The following GDAP2 variants were observed in gnomAD, a reference collection of about 807,000 sequenced individuals.
The protein encoded by GDAP2 is ganglioside-induced differentiation-associated protein 2.
In GDAP2, 51 loss-of-function variants were observed where a neutral mutation model predicts 67.0. The ratio of observed to expected loss-of-function variants is 0.76; its 90% CI spans 0.61 to 0.96. GDAP2 has a LOEUF of 0.96. GDAP2 is among the 40% of genes least tolerant of loss of function. The pLI is 0.00. For synonymous variants in GDAP2, 203 were observed against 207.3 expected, an observed-to-expected ratio of 0.98 and a Z score of 0.18; for missense variants, 547 against 588.3, an observed-to-expected ratio of 0.93 and a Z score of 0.73.
At chr1:117,920,547 C>A in intron 1 of GDAP2, 123 bp from the exon 2 acceptor site, 1 of 392,120 alleles carries the variant, frequency 2.6e-6, no homozygotes, top group Non-Finnish European at 4.7e-6. Context: ...ATTATAGCCA[C>A]TTAAAAAGTC....
rs970389336 is a variant in GDAP2, at chr1:117,929,542, G to A, written c.-162C>T. On this transcript the variant is annotated 5_prime_UTR_variant, in exon 1 of 14. Transcript: ENST00000369443. The stretch of plus-strand genomic sequence containing the variant: ...ACATCTCCGGCGACCCTCAGCAGGA[G>A]CGCGCCGAGTACGGCGAGTCAAAGT... The A allele has an allele frequency of 5.2e-5, 8 of 152,700 alleles. No individual in the cohort carries two copies. Among genetic ancestry groups the A allele is most frequent in the African/African-American group, 1.9e-4 (8 of 41,610 alleles). 9.5% of individuals were successfully genotyped at this position (152,700 alleles called of 1,614,324 possible).
chr1:117,866,881 GA>G lies in GDAP2; in HGVS notation c.*3687del. The G allele has an allele frequency of 8.8e-6, 1 of 113,288 alleles. No homozygotes were observed. The highest frequency in any genetic ancestry group is 2.7e-4 in the East Asian group (1 of 3,708). 7.0% of individuals were successfully genotyped at this position (113,288 alleles called of 1,614,324 possible). ...AGTAAGGCCCTTTAAAAAAAAAAAAGAAAAAGAAAAAGAAACCTAACTAACT... is the reference window on the plus strand; with the variant it reads ...AGTAAGGCCCTTTAAAAAAAAAAAAGAAAAGAAAAAGAAACCTAACTAACT... On this transcript the variant is annotated 3_prime_UTR_variant, in exon 14 of 14. Transcript: ENST00000369443.
rs1648093255 is a variant in GDAP2, at chr1:117,867,080, T to C, written c.*3489A>G. 1 of 152,130 alleles carries C rather than the reference T, an allele frequency of 6.6e-6. No individual in the cohort carries two copies. Among genetic ancestry groups the C allele is most frequent in the Non-Finnish European group, 1.5e-5 (1 of 68,022 alleles). The allele number at this position is 152,130 out of a possible 1,614,324, so 9.4% of individuals were successfully genotyped here. ...TATATACATACATACTGTCAATGTATCGGGGAAATACAAAGAGTGATCTTT... is the reference window on the plus strand; with the variant it reads ...TATATACATACATACTGTCAATGTACCGGGGAAATACAAAGAGTGATCTTT... On this transcript the variant is annotated 3_prime_UTR_variant, in exon 14 of 14. Coordinates refer to ENST00000369443, the MANE Select transcript of GDAP2 (RefSeq NM_017686.4).
chr1:117,925,445 C>T (rs1650413440), intron 1 of GDAP2, among the ~76,000 whole-genome samples: 1 of 151,988 alleles, frequency 6.6e-6, no homozygotes, highest in Non-Finnish European at 1.5e-5. Flanking sequence ...GAGCAAAACC[C>T]TATCTCAAAA....
chr1:117,896,437 C>T, intron 8 of GDAP2, among the ~76,000 whole-genome samples: 1 of 152,120 alleles, frequency 6.6e-6, no homozygotes, highest in East Asian at 1.9e-4. Context: ...AGAAATAAGG[C>T]TCTTTTAAAT....
chr1:117,924,059 A>G (rs777392746), intron 1 of GDAP2, among the ~76,000 whole-genome samples: 2 of 152,214 alleles, frequency 1.3e-5, no homozygotes, highest in African/African-American at 2.4e-5. Flanking sequence ...TTCTGGCAAG[A>G]TTATATGAGA....
intron 13 of GDAP2, among the ~76,000 whole-genome samples, chr1:117,873,904 C>T (rs770547441): frequency 2.0e-5 from 3 of 152,184 alleles, no homozygotes; most frequent in African/African-American, 4.8e-5. Context: ...AATATAGTCT[C>T]GTTTCTCTGC....
chr1:117,877,242 T>G lies in GDAP2; in HGVS notation c.1446+767A>C, dbSNP rs895872398. On this transcript the variant is annotated intron_variant, in intron 13 of 13. Transcript: ENST00000369443. ...AGAAATTGTGTTGCAGAATTTTTATTTTGCTGTATAAACACTGCACAATAA... is the reference window on the plus strand; with the variant it reads ...AGAAATTGTGTTGCAGAATTTTTATGTTGCTGTATAAACACTGCACAATAA... 22 of 932,680 alleles carry G rather than the reference T, an allele frequency of 2.4e-5. No individual in the cohort carries two copies. The African/African-American group carries it at 3.4e-4, about 14-fold the overall frequency. The allele number at this position is 932,680 out of a possible 1,614,324, so 57.8% of individuals were successfully genotyped here. A position where few individuals can be genotyped will look rare whatever the true frequency, so the allele number is the denominator to read the frequency against.
Position 117,864,928 on chromosome 1 carries a change from T to C in GDAP2, c.*5641A>G, listed in dbSNP as rs1170669679. ...ACAGGAAGAATTACAATGACAGTTC[T>C]GTCTCCTTTCCTTGAAAGAGAAAAT... is the stretch of plus-strand genomic sequence containing the variant. On this transcript the variant is annotated 3_prime_UTR_variant, in exon 14 of 14. Transcript: ENST00000369443. The C allele has an allele frequency of 1.3e-5, 2 of 152,200 alleles. No homozygotes were observed. The highest frequency in any genetic ancestry group is 2.4e-5 in the African/African-American group (1 of 41,444). The allele number at this position is 152,200 out of a possible 1,614,324, so 9.4% of individuals were successfully genotyped here. A position where few individuals can be genotyped will look rare whatever the true frequency, so the allele number is the denominator to read the frequency against.
In GDAP2 at chr1:117,918,734, T is replaced by C; in HGVS notation, c.179A>G (p.Lys60Arg). ...KDVNGKVVLW[K>R]GDVALLNCTA... is the part of the protein sequence containing the mutation. ...ACAGTTCAGTAATGCCACATCTCCT[T>C]TCCTGAAGAAACAATAAAGAATGAA... The change falls in exon 3 of 14, where the codon AAA (lysine) becomes AGA (arginine). Residue 60 changes from lysine to arginine, a missense_variant and splice_region_variant. Coordinates refer to ENST00000369443, the MANE Select transcript of GDAP2 (RefSeq NM_017686.4). The C allele has an allele frequency of 1.9e-6, 3 of 1,598,660 alleles. No homozygotes were observed. The highest frequency in any genetic ancestry group is 2.6e-6 in the Non-Finnish European group (3 of 1,167,646).
At chr1:117,914,915 T>C (rs975339396) in intron 3 of GDAP2, among the ~76,000 whole-genome samples, 2 of 151,686 alleles carry the variant, frequency 1.3e-5, no homozygotes, top group Non-Finnish European at 2.9e-5. Context: ...CTCACAAAAA[T>C]GAGAGATCCA....
At position 117,918,724 on chromosome 1, in the gene GDAP2, C is replaced by G; in HGVS notation, c.189G>C (p.Val63=). ...CAATGGCTGTACAGTTCAGTAATGC[C>G]ACATCTCCTTTCCTGAAGAAACAAT... is the stretch of plus-strand genomic sequence containing the variant. ...NGKVVLWKGD[V]ALLNCTAIVN... Residue 63 remains valine (V), a synonymous_variant, in exon 3 of 14, where the codon GTG becomes GTC. Transcript: ENST00000369443. 6.2e-7 allele frequency: 1 copy of G among 1,602,380 alleles called. No homozygotes were observed. The highest frequency in any genetic ancestry group is 8.5e-7 in the Non-Finnish European group (1 of 1,170,434).
At chr1:117,884,641 T>C (rs1648783402) in intron 10 of GDAP2, among the ~76,000 whole-genome samples, 1 of 152,152 alleles carries the variant, frequency 6.6e-6, no homozygotes, top group Admixed American at 6.6e-5. Flanking sequence ...TGATACATCA[T>C]GAATATCCAG....
At chr1:117,889,823 T>C (rs925331881) in intron 8 of GDAP2, among the ~76,000 whole-genome samples, 1 of 152,164 alleles carries the variant, frequency 6.6e-6, no homozygotes, top group African/African-American at 2.4e-5. Context: ...TTACATCATA[T>C]GGGCACCACA....
At chr1:117,895,982 G>T (rs1337861090) in intron 8 of GDAP2, among the ~76,000 whole-genome samples, 1 of 152,150 alleles carries the variant, frequency 6.6e-6, no homozygotes, top group Non-Finnish European at 1.5e-5. Context: ...AGAGGCAACT[G>T]CTTTTGAAAT....
intron 4 of GDAP2, 99 bp downstream of exon 4, chr1:117,912,431 C>A: frequency 9.4e-7 from 1 of 1,061,284 alleles, no homozygotes. Context: ...ACTTCCACTG[C>A]TAGGTTTTTA....
chr1:117,881,709 A>G, intron 12 of GDAP2, 114 bp downstream of exon 12: 1 of 702,354 alleles, frequency 1.4e-6, no homozygotes, highest in Non-Finnish European at 2.6e-6. Context: ...GAAACCAGGA[A>G]ATTAGCAGTC....
intron 1 of GDAP2, among the ~76,000 whole-genome samples, chr1:117,921,376 T>C (rs1650249499): frequency 6.6e-6 from 1 of 152,118 alleles, no homozygotes; most frequent in Non-Finnish European, 1.5e-5. Flanking sequence ...TGACAAATGA[T>C]AAAGAAACAA....
At position 117,912,661 on chromosome 1, in the gene GDAP2, T is replaced by C. The variant is rs1649900977; in HGVS notation, c.339A>G (p.Lys113=). ...CAGCTAGATTGAATCCTTTTGTCAATTTTGCTTCACCTGTTCGGCACCCTG... is the reference window on the plus strand; with the variant it reads ...CAGCTAGATTGAATCCTTTTGTCAACTTTGCTTCACCTGTTCGGCACCCTG... The part of the protein sequence containing the change: ...KLKGCRTGEA[K]LTKGFNLAAR... The change falls in exon 4 of 14, where the codon AAA becomes AAG. Residue 113 remains lysine, a synonymous_variant. Coordinates refer to ENST00000369443, the MANE Select transcript of GDAP2 (RefSeq NM_017686.4). 6.2e-7 allele frequency: 1 copy of C among 1,613,606 alleles called. No homozygotes were observed. Among genetic ancestry groups the C allele is most frequent in the Non-Finnish European group, 8.5e-7 (1 of 1,179,618 alleles).
Sources: allele counts gnomAD v4.1 joint callset (sites outside exome capture counted in the v4.1 genomes callset), GRCh38; gene constraint gnomAD v4.1.1; transcripts MANE v1.5; gene names NCBI Gene and HGNC (gene_info 2026-07-23, HGNC 2026-07-21).